Variants in PCGF3 observed in about 807,000 individuals in gnomAD.
PCGF3 encodes the protein polycomb group ring finger 3.
PCGF3 carries 7 observed loss-of-function variants against 33.1 expected under a neutral mutation model. The observed-to-expected ratio is 0.21, with a 90% CI of 0.12 to 0.40. PCGF3 has a LOEUF of 0.40. PCGF3 is among the 10% of genes least tolerant of loss of function. The pLI is 1.00. For synonymous variants in PCGF3, 153 were observed against 121.3 expected (o/e 1.26, Z -1.72); for missense variants, 211 against 313.3 (o/e 0.67, Z 2.46).
intron 8 of PCGF3, among the ~76,000 whole-genome samples, chr4:754,494 G>A (rs1225822467): frequency 6.6e-6 from 1 of 152,252 alleles, no homozygotes; most frequent in African/African-American, 2.4e-5. Context: ...GCCCCTGGAG[G>A]TAGAAGGGGC....
At chr4:761,531 C>A in intron 9 of PCGF3, 115 bp downstream of exon 9, 1 of 1,423,902 alleles carries the variant, frequency 7.0e-7, no homozygotes, top group Admixed American at 2.4e-5. Flanking sequence ...AGATTTTAAC[C>A]AGAAAAAAAT....
chr4:734,816 A>C, intron 4 of PCGF3, 115 bp from the exon 5 acceptor site: 1 of 1,469,284 alleles, frequency 6.8e-7, no homozygotes, highest in Non-Finnish European at 9.1e-7. Context: ...GGAGGACAGC[A>C]GTGAGCATCT....
intron 8 of PCGF3, among the ~76,000 whole-genome samples, chr4:758,636 C>T (rs1268939273): frequency 7.9e-6 from 1 of 126,322 alleles, no homozygotes; most frequent in Non-Finnish European, 1.7e-5. Flanking sequence ...CGCGCGGCCC[C>T]TCTCCCGAGT....
chr4:764,109 G>A (rs1011632064), intron 9 of PCGF3, among the ~76,000 whole-genome samples: 1 of 152,090 alleles, frequency 6.6e-6, no homozygotes, highest in African/African-American at 2.4e-5. Context: ...ACCTGTGGCT[G>A]TGCCACCAGG....
chr4:749,407 A>T (rs1412433227), intron 8 of PCGF3, among the ~76,000 whole-genome samples: 1 of 139,098 alleles, frequency 7.2e-6, no homozygotes, highest in Non-Finnish European at 1.5e-5. Context: ...CGGGTGATCC[A>T]CCCACCTCAG....
intron 4 of PCGF3, 103 bp downstream of exon 4, chr4:733,892 C>G (rs544655837): frequency 3.1e-6 from 5 of 1,593,492 alleles, no homozygotes; most frequent in East Asian, 2.3e-5. Flanking sequence ...AGCTCAAGCC[C>G]GACAAAAGCA....
At chr4:768,379 T>C (rs1296789755) in exon 11 of PCGF3, 7 of 152,338 alleles carry the variant, frequency 4.6e-5, no homozygotes, top group African/African-American at 7.2e-5. Flanking sequence ...GGCGGCCTTC[T>C]TTCCTTTCTG....
intron 8 of PCGF3, among the ~76,000 whole-genome samples, chr4:760,253 CTTCCT>C (rs935151249): frequency 1.2e-4 from 19 of 152,172 alleles, no homozygotes; most frequent in Admixed American, 3.9e-4. Context: ...TTTCTTAACA[CTTCCT>C]TTCCTTTCTG....
intron 8 of PCGF3, among the ~76,000 whole-genome samples, chr4:756,157 C>G (rs138271862): frequency 0.041 from 6,181 of 151,220 alleles, 186 homozygotes; most frequent in South Asian, 0.1. Context: ...TCAGGTGATT[C>G]ACCCGCCTCA....
chr4:766,257 C>T, exon 11 of PCGF3: 1 of 590,772 alleles, frequency 1.7e-6, no homozygotes, highest in South Asian at 2.0e-5. Flanking sequence ...ACCACGTTTA[C>T]AGAGGATGAA....
At chr4:706,211 G>A (rs1742290402) in intron 1 of PCGF3, among the ~76,000 whole-genome samples, 2 of 151,950 alleles carry the variant, frequency 1.3e-5, no homozygotes, top group Admixed American at 6.6e-5. Context: ...GCCCAGCCCA[G>A]GCAGGACCCC....
At chr4:736,166 G>A (rs1743813152) in intron 5 of PCGF3, among the ~76,000 whole-genome samples, 2 of 152,052 alleles carry the variant, frequency 1.3e-5, no homozygotes, top group African/African-American at 2.4e-5. Flanking sequence ...TCCTGCCTCA[G>A]CCTCCCGAGT....
In PCGF3 at chr4:720,484, G is replaced by A. The variant is rs963136907; in HGVS notation, c.-189-10146G>A. On this transcript the variant is annotated intron_variant, in intron 1 of 10. Transcript: ENST00000362003. This position sits in a 1 kb window ranked among gnomAD's most constrained non-coding sequence, Gnocchi z 5.6. ...CAGGTGGACAGGGGCTGGCCCACCC[G>A]TGAGTGGGTAGGGCCTCCTGCCAGG... is the stretch of plus-strand genomic sequence containing the variant. Among the ~76,000 whole-genome samples, 2 of 152,216 alleles carry A rather than the reference G, an allele frequency of 1.3e-5. No individual in the cohort carries two copies. Among genetic ancestry groups the A allele is most frequent in the Admixed American group, 1.3e-4 (2 of 15,284 alleles).
intron 8 of PCGF3, chr4:757,245 C>G (rs1577439911): frequency 6.6e-6 from 1 of 152,184 alleles, no homozygotes; most frequent in Admixed American, 6.5e-5. Context: ...CTGTGCAGCC[C>G]TTCCTGCTGC....
intron 5 of PCGF3, among the ~76,000 whole-genome samples, chr4:735,762 C>T (rs1215242193): frequency 2.6e-5 from 4 of 152,254 alleles, no homozygotes; most frequent in Non-Finnish European, 4.4e-5. Context: ...CTGCGCTGTG[C>T]TCTTCTGCCC....
chr4:751,050 C>G (rs1040968445), intron 8 of PCGF3, among the ~76,000 whole-genome samples: 18 of 142,952 alleles, frequency 1.3e-4, no homozygotes, highest in Non-Finnish European at 2.7e-4. Context: ...TGTGAGAATA[C>G]ATTTTTTCCC....
At chr4:753,982 G>A (rs567188874) in intron 8 of PCGF3, among the ~76,000 whole-genome samples, 97 of 152,310 alleles carry the variant, frequency 6.4e-4, no homozygotes, top group African/African-American at 2.3e-3. Context: ...GCTGCCCAGT[G>A]GACTTCAGGG....
At chr4:761,698 A>G in intron 9 of PCGF3, 1 of 985,452 alleles carries the variant, frequency 1.0e-6, no homozygotes, top group South Asian at 4.7e-5. Flanking sequence ...GTTTTCCTCA[A>G]AACGAGAAAT....
rs536765905 is a variant in PCGF3, at chr4:757,895, G to A, written c.463-3384G>A. Among the ~76,000 whole-genome samples, 146 of 152,052 alleles carry A rather than the reference G, an allele frequency of 9.6e-4. 1 individual carries two copies. The highest frequency in any genetic ancestry group is 1.9e-3 in the Non-Finnish European group (128 of 68,022). ...TTTAGAAATCCAAAGTTGGCCCGGC[G>A]CGGTGGCTCACGCCTGTAATCCTAG... On this transcript the variant is annotated intron_variant, in intron 8 of 10. Coordinates refer to ENST00000362003, the Ensembl canonical transcript of PCGF3.
Sources: gnomAD v4.1 joint callset for allele counts (sites outside exome capture counted in the v4.1 genomes callset) on GRCh38, gnomAD v4.1.1 for gene constraint, Gnocchi (gnomAD v3.1) non-coding constraint, MANE v1.5 for transcripts, NCBI Gene and HGNC (gene_info 2026-07-23, HGNC 2026-07-21) for gene names.